Variants in ANKRD13A observed in about 807,000 individuals in gnomAD.
ANKRD13A encodes the protein ankyrin repeat domain-containing protein 13A.
ANKRD13A carries 48 observed loss-of-function variants against 81.3 expected under a neutral mutation model. The ratio of observed to expected loss-of-function variants is 0.59; its 90% CI spans 0.47 to 0.75. The LOEUF (loss-of-function observed/expected upper bound fraction) is 0.75. ANKRD13A is among the 30% of genes least tolerant of loss of function. The probability of loss-of-function intolerance (pLI) is 0.00; values close to 1 mark genes in which losing one functional copy is unlikely to be tolerated. For missense variants in ANKRD13A, 612 were observed against 734.0 expected (o/e 0.83, Z 1.92); for synonymous variants, 230 against 270.1 (o/e 0.85, Z 1.45).
intron 1 of ANKRD13A, among the ~76,000 whole-genome samples, chr12:110,009,282 T>C (rs1890389935): frequency 6.6e-6 from 1 of 152,122 alleles, no homozygotes; most frequent in South Asian, 2.1e-4. Flanking sequence ...GGTTTCTCCA[T>C]GTTGGTCAGG....
Position 110,012,147 on chromosome 12 carries a change from C to T in ANKRD13A, c.229+10C>T, listed in dbSNP as rs760782937. ...CGCCAGGGATGGACAGGTAAGTATA[C>T]TTTTACAATAATTTAAAGTCCGTCT... is the stretch of plus-strand genomic sequence containing the variant. On this transcript the variant is annotated intron_variant, in intron 2 of 14. Coordinates refer to ENST00000261739, the MANE Select transcript of ANKRD13A (RefSeq NM_033121.2). 6.3e-7 allele frequency: 1 copy of T among 1,593,412 alleles called. No homozygotes were observed.
At chr12:110,031,805 C>T (rs1346618441) in intron 12 of ANKRD13A, among the ~76,000 whole-genome samples, 1 of 152,028 alleles carries the variant, frequency 6.6e-6, no homozygotes, top group Non-Finnish European at 1.5e-5. Flanking sequence ...TTTCCAGTTA[C>T]TAGTATATAG....
intron 10 of ANKRD13A, chr12:110,029,046 CT>C: frequency 5.7e-6 from 1 of 176,126 alleles, no homozygotes; most frequent in Non-Finnish European, 1.2e-5. Context: ...TCCTCTGCCC[CT>C]TTTTATAAAA....
rs774875943 is a variant in ANKRD13A, at chr12:110,027,790, A to G, written c.945+24A>G. ...GGGTAAGTTGAAGCAATGAGCTTTC[A>G]TTGCAGTTAGATGAAAGGAAACAAC... is the stretch of plus-strand genomic sequence containing the variant. On this transcript the variant is annotated intron_variant, in intron 9 of 14. Coordinates refer to ENST00000261739, the MANE Select transcript of ANKRD13A (RefSeq NM_033121.2). The G allele has an allele frequency of 3.7e-6, 6 of 1,612,650 alleles. No individual in the cohort carries two copies. In the African/African-American group the frequency reaches 8.0e-5, roughly 22 times the overall value.
At chr12:110,016,499 T>C in intron 4 of ANKRD13A, 66 bp downstream of exon 4, 1 of 1,435,888 alleles carries the variant, frequency 7.0e-7, no homozygotes, top group Non-Finnish European at 9.5e-7. Flanking sequence ...TGTAGGTTTA[T>C]TTTTCCTTTG....
chr12:110,020,663 C>G (rs1373263713), intron 6 of ANKRD13A, among the ~76,000 whole-genome samples: 2 of 152,216 alleles, frequency 1.3e-5, no homozygotes, highest in Non-Finnish European at 2.9e-5. Context: ...TTCCGCATAC[C>G]CTTCTGCAGA....
chr12:110,002,997 G>A (rs1890059580), intron 1 of ANKRD13A, among the ~76,000 whole-genome samples: 1 of 152,192 alleles, frequency 6.6e-6, no homozygotes. Flanking sequence ...TAACCCATCA[G>A]CTCATTAATA....
At chr12:110,011,621 T>C (rs536386751) in intron 1 of ANKRD13A, among the ~76,000 whole-genome samples, 2 of 152,360 alleles carry the variant, frequency 1.3e-5, no homozygotes, top group African/African-American at 4.8e-5. Flanking sequence ...TAGACTTGAA[T>C]GCTGATATGT....
intron 1 of ANKRD13A, 31 bp from the exon 2 acceptor site, chr12:110,011,974 A>G (rs1890546408): frequency 2.5e-6 from 4 of 1,570,664 alleles, no homozygotes; most frequent in Non-Finnish European, 3.5e-6. Context: ...TAATACATCC[A>G]ATTATGTAAA....
chr12:110,036,151 A>G lies in ANKRD13A; in HGVS notation c.1510-110A>G. The G allele has an allele frequency of 3.0e-6, 3 of 1,015,934 alleles. No individual in the cohort carries two copies. The highest frequency in any genetic ancestry group is 4.7e-6 in the Non-Finnish European group (3 of 643,062). 62.9% of individuals were successfully genotyped at this position (1,015,934 alleles called of 1,614,324 possible). A position where few individuals can be genotyped will look rare whatever the true frequency, so the allele number is the denominator to read the frequency against. ...AGCTTTTCACACAGCACTATTGATAATGGTCATGGAAAGACTTTTAATTTG... is the reference window on the plus strand; with the variant it reads ...AGCTTTTCACACAGCACTATTGATAGTGGTCATGGAAAGACTTTTAATTTG... On this transcript the variant is annotated intron_variant, in intron 13 of 14. Transcript: ENST00000261739. The surrounding 1 kb of genome is among the most constrained non-coding windows in gnomAD (Gnocchi z 4.6).
At chr12:110,020,590 G>C (rs1272578637) in intron 6 of ANKRD13A, among the ~76,000 whole-genome samples, 1 of 152,204 alleles carries the variant, frequency 6.6e-6, no homozygotes, top group Non-Finnish European at 1.5e-5. Context: ...GTCTTTCAGG[G>C]ACAGCAAAAT....
intron 9 of ANKRD13A, chr12:110,028,141 C>T (rs753925358): frequency 6.5e-6 from 2 of 307,780 alleles, no homozygotes; most frequent in Non-Finnish European, 1.2e-5. Context: ...AGTGGATGTC[C>T]CTGCGGGTCA....
chr12:110,006,832 G>A (rs1315293727), intron 1 of ANKRD13A, among the ~76,000 whole-genome samples: 1 of 152,142 alleles, frequency 6.6e-6, no homozygotes, highest in East Asian at 1.9e-4. Context: ...CCTACCTCAG[G>A]TGATCCTCCC....
chr12:110,011,929 G>C, intron 1 of ANKRD13A, 76 bp from the exon 2 acceptor site: 1 of 1,409,896 alleles, frequency 7.1e-7, no homozygotes, highest in Non-Finnish European at 9.7e-7. Context: ...TTTTGTACTT[G>C]AAATATCTGT....
intron 6 of ANKRD13A, chr12:110,021,042 G>T (rs1891050260): frequency 2.3e-6 from 1 of 434,038 alleles, no homozygotes; most frequent in Non-Finnish European, 4.7e-6. Context: ...GAGTATAAAT[G>T]GGAAATGATA....
chr12:110,029,028 G>C (rs1307274896), intron 10 of ANKRD13A: 2 of 181,036 alleles, frequency 1.1e-5, no homozygotes, highest in Non-Finnish European at 2.3e-5. Context: ...GAGCCACTGC[G>C]CCCAGCCTCC....
chr12:110,030,815 C>A, intron 12 of ANKRD13A, 57 bp downstream of exon 12: 2 of 1,208,566 alleles, frequency 1.7e-6, no homozygotes, highest in Non-Finnish European at 2.3e-6. Flanking sequence ...AAATTTATGG[C>A]CGGACGTGGT....
intron 1 of ANKRD13A, among the ~76,000 whole-genome samples, chr12:110,006,721 C>T (rs780270497): frequency 6.6e-6 from 1 of 152,008 alleles, no homozygotes; most frequent in Non-Finnish European, 1.5e-5. Flanking sequence ...CTCAGCCTCC[C>T]GAGTAGCTGG....
At position 110,036,521 on chromosome 12, in the gene ANKRD13A, A is replaced by G. The variant is rs988686427; in HGVS notation, c.1577+193A>G. Among the ~76,000 whole-genome samples, 1 of 152,180 alleles carries G rather than the reference A, an allele frequency of 6.6e-6. No individual in the cohort carries two copies. Among genetic ancestry groups the G allele is most frequent in the African/African-American group, 2.4e-5 (1 of 41,442 alleles). On this transcript the variant is annotated intron_variant, in intron 14 of 14. Transcript: ENST00000261739. This position sits in a 1 kb window ranked among gnomAD's most constrained non-coding sequence, Gnocchi z 4.6. ...TCCCAGCATTTTGGGAGGCCGAGGC[A>G]GGCGGATCACGAGGTCAGAAGATTG...
Sources: allele counts gnomAD v4.1 joint callset (sites outside exome capture counted in the v4.1 genomes callset), GRCh38; gene constraint gnomAD v4.1.1; non-coding constraint Gnocchi (gnomAD v3.1); transcripts MANE v1.5; gene names NCBI Gene and HGNC (gene_info 2026-07-23, HGNC 2026-07-21).